Variants in CACNA2D1 observed in about 807,000 individuals in gnomAD.
CACNA2D1 encodes the protein voltage-dependent calcium channel subunit alpha-2/delta-1.
CACNA2D1 carries 53 observed loss-of-function variants against 171.5 expected under a neutral mutation model. The ratio of observed to expected loss-of-function variants is 0.31; its 90% CI spans 0.25 to 0.39. The LOEUF is 0.39. Among genes scored for constraint, CACNA2D1 ranks in the 10% least tolerant of loss-of-function variants. The pLI is 1.00. For missense variants in CACNA2D1, 903 were observed against 1,299.8 expected (o/e 0.69, Z 4.69); for synonymous variants, 442 against 443.1 (o/e 1.00, Z 0.03).
At position 82,014,591 on chromosome 7, in the gene CACNA2D1, G is replaced by C. The variant is rs1014003143; in HGVS notation, c.1144-112C>G. 2.1e-5 allele frequency: 15 copies of C among 698,150 alleles called. No homozygotes were observed. In the African/African-American group the frequency reaches 2.7e-4, roughly 12 times the overall value. 43.2% of individuals were successfully genotyped at this position (698,150 alleles called of 1,614,324 possible). A position where few individuals can be genotyped will look rare whatever the true frequency, so the allele number is the denominator to read the frequency against. On this transcript the variant is annotated intron_variant, in intron 12 of 38. Transcript: ENST00000356860. ...AGAGTGCTTTCCAGTTGAATGATAT[G>C]ACAAGAAAAACTGAGGCCAGTAAAG... is the stretch of plus-strand genomic sequence containing the variant.
At chr7:82,419,377 GA>G (rs1464648814) in intron 1 of CACNA2D1, among the ~76,000 whole-genome samples, 1 of 152,120 alleles carries the variant, frequency 6.6e-6, no homozygotes, top group Non-Finnish European at 1.5e-5. Flanking sequence ...CAGCCTTCCT[GA>G]TATCTACAAA....
chr7:82,182,833 C>T (rs1257392435), intron 3 of CACNA2D1, among the ~76,000 whole-genome samples: 5 of 151,910 alleles, frequency 3.3e-5, no homozygotes, highest in African/African-American at 7.3e-5. Flanking sequence ...GTCGGGAGTT[C>T]GAGACCTGTC....
chr7:81,961,568 TTTAGGAA>T (rs1245096625), intron 36 of CACNA2D1, among the ~76,000 whole-genome samples: 23 of 151,598 alleles, frequency 1.5e-4, no homozygotes, highest in Non-Finnish European at 3.4e-4. Flanking sequence ...TATGGGTTAT[TTTAGGAA>T]AAAAAGTTAA....
intron 1 of CACNA2D1, among the ~76,000 whole-genome samples, chr7:82,405,969 C>T (rs1826989639): frequency 6.6e-6 from 1 of 152,054 alleles, no homozygotes; most frequent in South Asian, 2.1e-4. Context: ...ATCCACGTGC[C>T]ATGTTGGTGT....
At chr7:82,248,150 A>C (rs925165692) in intron 3 of CACNA2D1, among the ~76,000 whole-genome samples, 4 of 152,226 alleles carry the variant, frequency 2.6e-5, no homozygotes, top group Admixed American at 2.0e-4. Context: ...AAATAATAAC[A>C]ATAATAACCA....
At chr7:82,367,440 C>G (rs1216305233) in intron 1 of CACNA2D1, among the ~76,000 whole-genome samples, 1 of 152,106 alleles carries the variant, frequency 6.6e-6, no homozygotes, top group Non-Finnish European at 1.5e-5. Flanking sequence ...CACCACCTCA[C>G]AGAGGAATTC....
At chr7:82,088,098 GT>G (rs887996164) in intron 6 of CACNA2D1, among the ~76,000 whole-genome samples, 2 of 151,664 alleles carry the variant, frequency 1.3e-5, no homozygotes, top group African/African-American at 4.8e-5. Flanking sequence ...GTTTTGTTTT[GT>G]TTTTTTGTTT....
At chr7:82,112,204 A>C (rs1255562318) in intron 6 of CACNA2D1, among the ~76,000 whole-genome samples, 1 of 152,194 alleles carries the variant, frequency 6.6e-6, no homozygotes, top group Non-Finnish European at 1.5e-5. Context: ...ATAATCATAT[A>C]TCTCTCGTGG....
intron 1 of CACNA2D1, among the ~76,000 whole-genome samples, chr7:82,402,836 G>A (rs1395766825): frequency 1.3e-5 from 2 of 151,734 alleles, no homozygotes; most frequent in Non-Finnish European, 1.5e-5. Flanking sequence ...CAGAAGTTAC[G>A]GGTTTTTTTA....
intron 1 of CACNA2D1, among the ~76,000 whole-genome samples, chr7:82,391,944 T>G (rs970046117): frequency 5.3e-5 from 8 of 152,180 alleles, no homozygotes; most frequent in Admixed American, 4.6e-4. Flanking sequence ...TTTGAAAATA[T>G]TGCTGTGAAG....
chr7:82,063,791 C>A (rs532195366), intron 9 of CACNA2D1, among the ~76,000 whole-genome samples: 2 of 152,080 alleles, frequency 1.3e-5, no homozygotes, highest in Admixed American at 1.3e-4. Flanking sequence ...AGCACTATAA[C>A]AAAGAGACCA....
chr7:81,984,454 C>G (rs965627418), intron 22 of CACNA2D1, among the ~76,000 whole-genome samples, 181 bp downstream of exon 22: 14 of 152,130 alleles, frequency 9.2e-5, no homozygotes, highest in Admixed American at 7.9e-4. Flanking sequence ...ATATTCTATC[C>G]ATGTAGAATA....
chr7:81,977,064 C>G (rs554120653), intron 24 of CACNA2D1, among the ~76,000 whole-genome samples: 26 of 152,054 alleles, frequency 1.7e-4, no homozygotes, highest in African/African-American at 6.3e-4. Context: ...GCCTGATTGC[C>G]CTGGCCAGAA....
intron 18 of CACNA2D1, among the ~76,000 whole-genome samples, chr7:82,001,337 G>C (rs1306567167): frequency 2.0e-5 from 3 of 152,038 alleles, no homozygotes; most frequent in Non-Finnish European, 4.4e-5. Context: ...AAATTGTTAG[G>C]ATCACATGAA....
At chr7:82,217,060 CATA>C (rs1801190080) in intron 3 of CACNA2D1, among the ~76,000 whole-genome samples, 1 of 151,874 alleles carries the variant, frequency 6.6e-6, no homozygotes, top group Non-Finnish European at 1.5e-5. Flanking sequence ...CCTTTATTTT[CATA>C]ATGTCTTTGA....
At chr7:82,200,017 T>C (rs1383354736) in intron 3 of CACNA2D1, among the ~76,000 whole-genome samples, 9 of 152,076 alleles carry the variant, frequency 5.9e-5, no homozygotes, top group African/African-American at 1.2e-4. Context: ...AGTACAAGAA[T>C]AGGAAAAACA....
chr7:82,033,031 A>G (rs1043412844), intron 11 of CACNA2D1, 130 bp from the exon 12 acceptor site: 2 of 644,958 alleles, frequency 3.1e-6, no homozygotes, highest in African/African-American at 3.6e-5. Flanking sequence ...AATATATTCT[A>G]AGAACTGGTT....
At chr7:82,083,280 G>A (rs1413972689) in intron 7 of CACNA2D1, among the ~76,000 whole-genome samples, 1 of 151,920 alleles carries the variant, frequency 6.6e-6, no homozygotes, top group Admixed American at 6.6e-5. Context: ...TTATAGGATA[G>A]GACATCAGAT....
chr7:82,141,373 T>TC (rs1563108096), intron 4 of CACNA2D1, among the ~76,000 whole-genome samples: 8 of 142,314 alleles, frequency 5.6e-5, no homozygotes, highest in African/African-American at 2.2e-4. Flanking sequence ...GGGAGGAAAT[T>TC]TAAAAAAAAA....
Sources: gnomAD v4.1 joint callset for allele counts (sites outside exome capture counted in the v4.1 genomes callset) on GRCh38, gnomAD v4.1.1 for gene constraint, MANE v1.5 for transcripts, NCBI Gene and HGNC (gene_info 2026-07-23, HGNC 2026-07-21) for gene names.